Variants in TRMT11 observed in about 807,000 individuals in gnomAD.
TRMT11 encodes tRNA (guanine(10)-N(2))-methyltransferase TRMT11.
A neutral mutation model predicts 62.8 loss-of-function variants in TRMT11; 53 were observed. The ratio of observed to expected loss-of-function variants is 0.84; its 90% CI spans 0.68 to 1.06. The LOEUF (loss-of-function observed/expected upper bound fraction) is 1.06. Among genes scored for constraint, TRMT11 ranks in the 50% least tolerant of loss-of-function variants. TRMT11 has a pLI of 0.00. For synonymous variants in TRMT11, 188 were observed against 190.3 expected, an observed-to-expected ratio of 0.99 and a Z score of 0.10; for missense variants, 556 against 553.4, an observed-to-expected ratio of 1.00 and a Z score of -0.05.
intron 21 of TRMT11, among the ~76,000 whole-genome samples, chr6:126,120,146 A>G (rs1245774938): frequency 6.6e-6 from 1 of 152,044 alleles, no homozygotes; most frequent in East Asian, 1.9e-4. Context: ...GTGGTGGCGC[A>G]TGCCTGTAAT....
In TRMT11 at chr6:126,094,565, G is replaced by T. The variant is rs569668615; in HGVS notation, c.*1438-18301G>T. On this transcript the variant is annotated intron_variant and NMD_transcript_variant, in intron 17 of 22. Coordinates refer to the TRMT11 transcript ENST00000648977. ...CTGCCCAAACCTTAGGCCACAATAG[G>T]CACACATTTCCACATTTCCTTTAGT... is the stretch of plus-strand genomic sequence containing the variant. 1.6e-3 allele frequency among the ~76,000 whole-genome samples: 244 copies of T among 152,232 alleles called. 3 individuals carry two copies. Among genetic ancestry groups the T allele is most frequent in the African/African-American group, 5.5e-3 (230 of 41,564 alleles).
At chr6:126,011,502 G>C in intron 9 of TRMT11, 85 bp downstream of exon 9, 1 of 1,130,846 alleles carries the variant, frequency 8.8e-7, no homozygotes, top group East Asian at 2.6e-5. Flanking sequence ...ACCAACACAT[G>C]CACAAAATGC....
chr6:126,257,118 T>A, the TRMT11 span, among the ~76,000 whole-genome samples: 1 of 151,956 alleles, frequency 6.6e-6, no homozygotes, highest in Non-Finnish European at 1.5e-5. Context: ...ACTCCTGACC[T>A]CAAATGATCC....
chr6:126,188,152 TATC>T (rs1373999979), intron 1 of TRMT11, among the ~76,000 whole-genome samples: 1 of 151,940 alleles, frequency 6.6e-6, no homozygotes, highest in Admixed American at 6.6e-5. Context: ...TATTAGAAGA[TATC>T]ATCAACCCCC....
At chr6:126,140,604 A>C (rs1777906477) in intron 21 of TRMT11, among the ~76,000 whole-genome samples, 1 of 152,030 alleles carries the variant, frequency 6.6e-6, no homozygotes, top group Non-Finnish European at 1.5e-5. Context: ...TTTTCTAGAA[A>C]TTTGACCATT....
intron 21 of TRMT11, among the ~76,000 whole-genome samples, chr6:126,125,798 G>A (rs1777710553): frequency 6.6e-6 from 1 of 151,932 alleles, no homozygotes; most frequent in South Asian, 2.1e-4. Context: ...TTTAAATATT[G>A]GGCAGTAACT....
At chr6:126,091,615 T>C (rs116293569) in intron 17 of TRMT11, among the ~76,000 whole-genome samples, 1,695 of 152,238 alleles carry the variant, frequency 0.011, 32 homozygotes, top group African/African-American at 0.038. Context: ...CTTTTAACAG[T>C]CTTGGGTGCA....
chr6:126,203,086 T>C (rs909921305), downstream of TRMT11, among the ~76,000 whole-genome samples: 1 of 152,186 alleles, frequency 6.6e-6, no homozygotes, highest in African/African-American at 2.4e-5. Context: ...CAAGTAATCA[T>C]GGCAGGTAGC....
the TRMT11 span, among the ~76,000 whole-genome samples, chr6:126,247,769 G>A: frequency 1.3e-5 from 2 of 151,514 alleles, no homozygotes; most frequent in African/African-American, 2.4e-5. Context: ...AAGATCCGTC[G>A]GGGAAAGCTA....
intron 17 of TRMT11, among the ~76,000 whole-genome samples, chr6:126,056,722 G>A (rs574109891): frequency 6.6e-6 from 1 of 152,222 alleles, no homozygotes; most frequent in South Asian, 2.1e-4. Flanking sequence ...GGCAGAGCTT[G>A]CCATTTACTT....
At chr6:126,245,914 A>G in the TRMT11 span, among the ~76,000 whole-genome samples, 1 of 152,240 alleles carries the variant, frequency 6.6e-6, no homozygotes, top group East Asian at 1.9e-4. Context: ...CTTAGGCAAC[A>G]TATTGAGATC....
At chr6:126,163,177 A>G (rs1202245190) in intron 21 of TRMT11, among the ~76,000 whole-genome samples, 1 of 152,186 alleles carries the variant, frequency 6.6e-6, no homozygotes, top group African/African-American at 2.4e-5. Flanking sequence ...CCCATTCAGT[A>G]TGACATTGGC....
chr6:125,997,946 A>G (rs1791837228), intron 3 of TRMT11, 107 bp from the exon 4 acceptor site: 1 of 774,586 alleles, frequency 1.3e-6, no homozygotes, highest in South Asian at 1.7e-5. Flanking sequence ...TGCAAAACAT[A>G]GGCAATAATC....
chr6:126,090,797 A>C (rs1052526231), intron 17 of TRMT11, among the ~76,000 whole-genome samples: 7 of 152,188 alleles, frequency 4.6e-5, no homozygotes, highest in African/African-American at 1.7e-4. Flanking sequence ...CACGTGCGGT[A>C]TGGGTGTTAG....
At chr6:126,232,814 T>C in the TRMT11 span, among the ~76,000 whole-genome samples, 1 of 152,178 alleles carries the variant, frequency 6.6e-6, no homozygotes, top group African/African-American at 2.4e-5. Flanking sequence ...ATGTGCTGAA[T>C]CCATCATTTA....
chr6:126,205,864 A>G (rs914673297), downstream of TRMT11, among the ~76,000 whole-genome samples: 3 of 151,696 alleles, frequency 2.0e-5, no homozygotes, highest in Non-Finnish European at 2.9e-5. Flanking sequence ...ACACACAGAC[A>G]ACAAGCTCAA....
intron 20 of TRMT11, among the ~76,000 whole-genome samples, chr6:126,115,616 C>T (rs149967852): frequency 0.012 from 1,758 of 152,200 alleles, 21 homozygotes; most frequent in Non-Finnish European, 0.013. Flanking sequence ...GTACATGTTA[C>T]TCAAGAAGAA....
intron 21 of TRMT11, among the ~76,000 whole-genome samples, chr6:126,120,621 T>C (rs1777639394): frequency 6.6e-6 from 1 of 152,154 alleles, no homozygotes; most frequent in Non-Finnish European, 1.5e-5. Context: ...TAATTCTATA[T>C]AAAATGTCTG....
intron 21 of TRMT11, among the ~76,000 whole-genome samples, chr6:126,139,973 T>G (rs1271981688): frequency 1.3e-5 from 2 of 152,142 alleles, no homozygotes; most frequent in Non-Finnish European, 2.9e-5. Flanking sequence ...ATAATGATAG[T>G]ATTTTGCATT....
Sources: allele counts gnomAD v4.1 joint callset (sites outside exome capture counted in the v4.1 genomes callset), GRCh38; gene constraint gnomAD v4.1.1; transcripts MANE v1.5; gene names NCBI Gene and HGNC (gene_info 2026-07-23, HGNC 2026-07-21).